Variants in TENM3 observed in about 807,000 individuals in gnomAD.
The protein encoded by TENM3 is teneurin-3.
TENM3 carries 63 observed loss-of-function variants against 255.1 expected under a neutral mutation model. That is an observed-to-expected ratio of 0.25 (90% confidence interval 0.20 to 0.30). The LOEUF is 0.30. Among genes scored for constraint, TENM3 ranks in the 10% least tolerant of loss-of-function variants. The pLI, the probability that TENM3 is intolerant of heterozygous loss-of-function variation, is 1.00. For missense variants in TENM3, 2,929 were observed against 3,461.1 expected (o/e 0.85, Z 3.86); for synonymous variants, 1,306 against 1,322.3 (o/e 0.99, Z 0.27).
At chr4:182,776,128 T>C (rs1173330075) in intron 24 of TENM3, among the ~76,000 whole-genome samples, 1 of 152,076 alleles carries the variant, frequency 6.6e-6, no homozygotes. Flanking sequence ...ACTTTGAAAA[T>C]AGGCTGGGCG....
At chr4:181,816,813 T>A in the TENM3 span, among the ~76,000 whole-genome samples, 1 of 152,250 alleles carries the variant, frequency 6.6e-6, no homozygotes, top group Non-Finnish European at 1.5e-5. Flanking sequence ...ATAATGTCAT[T>A]GCTTAAGTTA....
At chr4:182,065,961 C>G in the TENM3 span, among the ~76,000 whole-genome samples, 2 of 152,336 alleles carry the variant, frequency 1.3e-5, no homozygotes, top group Non-Finnish European at 2.9e-5. Flanking sequence ...GCTGCAAACA[C>G]TGGTGTGCAA....
chr4:181,595,337 A>G, the TENM3 span, among the ~76,000 whole-genome samples: 1 of 149,968 alleles, frequency 6.7e-6, no homozygotes, highest in African/African-American at 2.5e-5. Flanking sequence ...AGGCTGAGGC[A>G]TGAGAATCGC....
chr4:182,335,182 A>G (rs994042454), intron 2 of TENM3, among the ~76,000 whole-genome samples: 2 of 149,772 alleles, frequency 1.3e-5, no homozygotes, highest in African/African-American at 4.9e-5. Context: ...GAGCTGTTAT[A>G]CTTGACCATA....
chr4:182,637,415 GGA>G (rs751160524), intron 5 of TENM3, among the ~76,000 whole-genome samples: 204 of 152,258 alleles, frequency 1.3e-3, no homozygotes, highest in Non-Finnish European at 2.3e-3. Flanking sequence ...CAGCTTTCTG[GGA>G]GGCTGAGGCA....
chr4:182,200,647 A>G (rs1027087099), intron 1 of TENM3, among the ~76,000 whole-genome samples: 1 of 152,172 alleles, frequency 6.6e-6, no homozygotes, highest in African/African-American at 2.4e-5. Context: ...GATTATAGAA[A>G]ATTAGCTCCT....
At chr4:182,512,841 A>G (rs993454467) in intron 3 of TENM3, among the ~76,000 whole-genome samples, 2 of 152,206 alleles carry the variant, frequency 1.3e-5, no homozygotes, top group African/African-American at 4.8e-5. Flanking sequence ...ATAGGCTAAG[A>G]GTATACAGAA....
the TENM3 span, among the ~76,000 whole-genome samples, chr4:181,689,762 T>C: frequency 6.6e-6 from 1 of 152,256 alleles, no homozygotes; most frequent in East Asian, 1.9e-4. Context: ...CTGTAAAGGT[T>C]TGATGGACTG....
At chr4:182,730,575 A>G (rs1188995777) in intron 15 of TENM3, among the ~76,000 whole-genome samples, 2 of 152,186 alleles carry the variant, frequency 1.3e-5, no homozygotes, top group Non-Finnish European at 2.9e-5. Flanking sequence ...CAGCAGATGT[A>G]TGTTGAAATC....
intron 12 of TENM3, among the ~76,000 whole-genome samples, chr4:182,705,703 G>A (rs936233500): frequency 3.9e-5 from 6 of 152,180 alleles, no homozygotes; most frequent in African/African-American, 1.2e-4. Flanking sequence ...AGCCGGACAG[G>A]AACATATACT....
the TENM3 span, among the ~76,000 whole-genome samples, chr4:181,644,030 C>G: frequency 3.6e-3 from 514 of 142,004 alleles, 1 homozygote; most frequent in Admixed American, 7.7e-3. Flanking sequence ...GAGCCACGGT[C>G]ATGCCACTGC....
chr4:182,800,379 C>G lies in TENM3; in HGVS notation c.*28C>G, dbSNP rs771508516. ...CCCGGGCCGCGCCCGCCGAGCCGCT[C>G]ACGCCCTGCCCACATTGTCCTGTGG... On this transcript the variant is annotated 3_prime_UTR_variant, in exon 28 of 28. Transcript: ENST00000511685. The G allele has an allele frequency of 2.6e-5, 40 of 1,535,472 alleles. No homozygotes were observed. Among genetic ancestry groups the G allele is most frequent in the Non-Finnish European group, 3.2e-5 (37 of 1,148,348 alleles).
At chr4:181,609,186 G>C in the TENM3 span, among the ~76,000 whole-genome samples, 2 of 152,126 alleles carry the variant, frequency 1.3e-5, no homozygotes, top group African/African-American at 2.4e-5. Flanking sequence ...AGGGGGTGAG[G>C]AGGCCGTTTT....
At chr4:181,843,335 T>A in the TENM3 span, among the ~76,000 whole-genome samples, 1 of 152,218 alleles carries the variant, frequency 6.6e-6, no homozygotes, top group Non-Finnish European at 1.5e-5. Context: ...AACTTAGGGT[T>A]GAAACATAGT....
At chr4:182,484,242 A>G (rs542352222) in intron 3 of TENM3, among the ~76,000 whole-genome samples, 1 of 152,250 alleles carries the variant, frequency 6.6e-6, no homozygotes, top group East Asian at 1.9e-4. Context: ...CACCCATTTT[A>G]CAAGAAATGA....
chr4:182,429,449 A>G (rs1013703257), intron 3 of TENM3, among the ~76,000 whole-genome samples: 1 of 152,224 alleles, frequency 6.6e-6, no homozygotes, highest in East Asian at 1.9e-4. Context: ...GTAGATGTTT[A>G]TAATACAAAT....
intron 3 of TENM3, among the ~76,000 whole-genome samples, chr4:182,577,198 A>G (rs1230192015): frequency 6.6e-6 from 1 of 152,224 alleles, no homozygotes; most frequent in Admixed American, 6.5e-5. Context: ...TTCATCTCTT[A>G]GATTATTTAC....
At chr4:181,775,708 A>C in the TENM3 span, among the ~76,000 whole-genome samples, 3 of 152,174 alleles carry the variant, frequency 2.0e-5, no homozygotes, top group Admixed American at 6.6e-5. Flanking sequence ...GGACGCTTAC[A>C]AAATTCACCC....
chr4:181,814,160 G>C, the TENM3 span, among the ~76,000 whole-genome samples: 1 of 152,080 alleles, frequency 6.6e-6, no homozygotes, highest in East Asian at 1.9e-4. Context: ...ATATAAAACA[G>C]CAATAAATTT....
Sources: gnomAD v4.1 joint callset for allele counts (sites outside exome capture counted in the v4.1 genomes callset) on GRCh38, gnomAD v4.1.1 for gene constraint, MANE v1.5 for transcripts, NCBI Gene and HGNC (gene_info 2026-07-23, HGNC 2026-07-21) for gene names.